The following RADIL variants were observed in gnomAD, a reference collection of about 807,000 sequenced individuals.
RADIL encodes the protein Rap associating with DIL domain, also known as ras-associating and dilute domain-containing protein.
Under a neutral mutation model 97.6 loss-of-function variants are expected in RADIL, and 99 were observed. That is an observed-to-expected ratio of 1.01 (90% CI 0.86 to 1.20). The LOEUF (loss-of-function observed/expected upper bound fraction) is 1.20. Among genes scored for constraint, RADIL ranks in the 50% most tolerant of loss-of-function variants. The pLI, the probability that RADIL is intolerant of heterozygous loss-of-function variation, is 0.00. For missense variants in RADIL, 1,765 were observed against 1,498.9 expected (o/e 1.18, Z -2.93); for synonymous variants, 803 against 691.8 (o/e 1.16, Z -2.52).
chr7:4,846,890 T>C (rs747077872), intron 2 of RADIL, among the ~76,000 whole-genome samples: 8 of 152,100 alleles, frequency 5.3e-5, no homozygotes, highest in Non-Finnish European at 1.2e-4. Context: ...TAAACATTTC[T>C]TCAAAGAATA....
chr7:4,843,199 G>C (rs1405358390), intron 2 of RADIL, among the ~76,000 whole-genome samples: 1 of 149,870 alleles, frequency 6.7e-6, no homozygotes, highest in East Asian at 2.0e-4. Context: ...ATTTTTAGTA[G>C]AGATGGGGTT....
rs910556902 is a variant in RADIL, at chr7:4,814,407, C to G, written c.2139+871G>C. On this transcript the variant is annotated intron_variant, in intron 9 of 14. Coordinates refer to ENST00000399583, the MANE Select transcript of RADIL (RefSeq NM_018059.5). The surrounding 1 kb of genome is among the most constrained non-coding windows in gnomAD (Gnocchi z 4.5). ...GATCTCGGCTCACTGCAACCTCTGC[C>G]TCGCGGGTTCAAGCGATTCGCCCTG... is the stretch of plus-strand genomic sequence containing the variant. Among the ~76,000 whole-genome samples, 1 of 152,120 alleles carries G rather than the reference C, an allele frequency of 6.6e-6. No individual in the cohort carries two copies. Among genetic ancestry groups the G allele is most frequent in the Admixed American group, 6.6e-5 (1 of 15,266 alleles).
Position 4,815,288 on chromosome 7 carries a change from T to G in RADIL, c.2129A>C (p.Gln710Pro), listed in dbSNP as rs775248407. 6.4e-7 allele frequency: 1 copy of G among 1,558,698 alleles called. No individual in the cohort carries two copies. The highest frequency in any genetic ancestry group is 1.2e-5 in the South Asian group (1 of 84,636). Residue 710 changes from glutamine to proline, a missense_variant, in exon 9 of 15, where the codon CAG becomes CCG. By Grantham distance (76) the Gln-to-Pro change is moderately conservative. Coordinates refer to ENST00000399583, the MANE Select transcript of RADIL (RefSeq NM_018059.5). The surrounding 1 kb of genome is among the most constrained non-coding windows in gnomAD (Gnocchi z 8.0). ...TLNLLATPRA[Q>P]LIQMSWTALR... ...CATGCGCACCCCTACCTGGATGAGCTGGGCCCTGGGTGTGGCCAGCAGGTT... is the reference window on the plus strand; with the variant it reads ...CATGCGCACCCCTACCTGGATGAGCGGGGCCCTGGGTGTGGCCAGCAGGTT...
chr7:4,845,373 G>A (rs1224009383), intron 2 of RADIL, among the ~76,000 whole-genome samples: 1 of 152,194 alleles, frequency 6.6e-6, no homozygotes, highest in East Asian at 1.9e-4. Context: ...AGCTATGATT[G>A]TGCCACTGGG....
At chr7:4,832,235 G>T (rs1409124917) in intron 4 of RADIL, 57 bp from the exon 5 acceptor site, 1 of 1,522,516 alleles carries the variant, frequency 6.6e-7, no homozygotes, top group Non-Finnish European at 8.9e-7. Context: ...ACACAGGGAC[G>T]CGTTCAAATA....
At chr7:4,816,728 G>C (rs1478491873) in intron 7 of RADIL, among the ~76,000 whole-genome samples, 1 of 152,168 alleles carries the variant, frequency 6.6e-6, no homozygotes, top group Non-Finnish European at 1.5e-5. Context: ...GATGAACTCA[G>C]AAGGCGCACA....
In RADIL at chr7:4,834,652, C is replaced by T; in HGVS notation, c.1371G>A (p.Gly457=). The change falls in exon 4 of 15, where the codon GGG becomes GGA. Residue 457 remains glycine, a synonymous_variant. Coordinates refer to ENST00000399583, the MANE Select transcript of RADIL (RefSeq NM_018059.5). This position sits in a 1 kb window ranked among gnomAD's most constrained non-coding sequence, Gnocchi z 6.0. ...GCCTGGCTATCTTGAGCAGGAGCTG[C>T]CCGAATGTGCCCGGCTGGAAGTGGG... ...SATHFQPGTF[G]QLLLKIARLI... is the part of the protein sequence containing the mutation. The T allele has an allele frequency of 7.4e-7, 1 of 1,360,098 alleles. No homozygotes were observed. Among genetic ancestry groups the T allele is most frequent in the Middle Eastern group, 2.0e-4 (1 of 5,006 alleles). 84.3% of individuals were successfully genotyped at this position (1,360,098 alleles called of 1,614,324 possible).
Position 4,878,189 on chromosome 7 carries a change from TG to T in RADIL, c.-51del. The T allele has an allele frequency of 6.8e-7, 1 of 1,468,516 alleles. No homozygotes were observed. 91.0% of individuals were successfully genotyped at this position (1,468,516 alleles called of 1,614,324 possible). On this transcript the variant is annotated 5_prime_UTR_variant, in exon 2 of 15. Coordinates refer to ENST00000399583, the MANE Select transcript of RADIL (RefSeq NM_018059.5). The surrounding 1 kb of genome is among the most constrained non-coding windows in gnomAD (Gnocchi z 4.1). Reference sequence around the variant, plus strand: ...GACTGTGGGCTTCAGCCAAAGGATGTGGGGAGGCCGTGACCTGGGTGAAAAA... The same window carrying T: ...GACTGTGGGCTTCAGCCAAAGGATGTGGGAGGCCGTGACCTGGGTGAAAAA...
intron 9 of RADIL, chr7:4,805,963 C>A (rs1295964504): frequency 1.0e-6 from 1 of 985,436 alleles, no homozygotes; most frequent in Non-Finnish European, 1.2e-6. Flanking sequence ...GGGAACCCAC[C>A]CCCGTCTCAA....
chr7:4,809,945 C>T (rs1000865572), intron 9 of RADIL, among the ~76,000 whole-genome samples: 1 of 150,570 alleles, frequency 6.6e-6, no homozygotes, highest in Admixed American at 6.6e-5. Flanking sequence ...CTCCATCTCC[C>T]GGGTTCCAGT....
rs919822309 is a variant in RADIL, at chr7:4,818,942, G to A, written c.1616-1591C>T. ...CTTTTATTTAATTTTTGGTAGAGAT[G>A]GGATCTCACTATGTTGCCCAGGCTG... On this transcript the variant is annotated intron_variant, in intron 6 of 14. Transcript: ENST00000399583. This position sits in a 1 kb window ranked among gnomAD's most constrained non-coding sequence, Gnocchi z 7.1. Among the ~76,000 whole-genome samples, 1 of 151,994 alleles carries A rather than the reference G, an allele frequency of 6.6e-6. No individual in the cohort carries two copies. Among genetic ancestry groups the A allele is most frequent in the Middle Eastern group, 3.2e-3 (1 of 314 alleles).
In RADIL at chr7:4,813,321, A is replaced by G. The variant is rs1329707394; in HGVS notation, c.2139+1957T>C. 6.6e-6 allele frequency among the ~76,000 whole-genome samples: 1 copy of G among 152,064 alleles called. No homozygotes were observed. The highest frequency in any genetic ancestry group is 1.5e-5 in the Non-Finnish European group (1 of 68,022). ...CTGGGGGCCTGGTGTTTACTTCCCA[A>G]GGGGTCCTGGACTCGTCATCTCTGT... is the stretch of plus-strand genomic sequence containing the variant. On this transcript the variant is annotated intron_variant, in intron 9 of 14. Coordinates refer to ENST00000399583, the MANE Select transcript of RADIL (RefSeq NM_018059.5). This position sits in a 1 kb window ranked among gnomAD's most constrained non-coding sequence, Gnocchi z 5.0.
intron 2 of RADIL, among the ~76,000 whole-genome samples, chr7:4,866,382 T>C (rs932881254): frequency 3.3e-5 from 5 of 152,168 alleles, no homozygotes; most frequent in Non-Finnish European, 5.9e-5. Flanking sequence ...GTTTTGTCTA[T>C]TGCAACATAT....
chr7:4,829,973 T>C (rs1416556683), intron 5 of RADIL, among the ~76,000 whole-genome samples: 1 of 152,170 alleles, frequency 6.6e-6, no homozygotes, highest in African/African-American at 2.4e-5. Flanking sequence ...GTACCACAGC[T>C]TGACTTAAGG....
rs147508873 is a variant in RADIL, at chr7:4,873,001, G to A, written c.535+4604C>T. Among the ~76,000 whole-genome samples, 338 of 152,222 alleles carry A rather than the reference G, an allele frequency of 2.2e-3. 2 individuals carry two copies. Among genetic ancestry groups the A allele is most frequent in the African/African-American group, 7.6e-3 (316 of 41,542 alleles). On this transcript the variant is annotated intron_variant, in intron 2 of 14. Transcript: ENST00000399583. This position sits in a 1 kb window ranked among gnomAD's most constrained non-coding sequence, Gnocchi z 4.3. ...CACCCAGGCTGGAGTGCAGTGGTGC[G>A]ATCTCAGCTCACTGCAACCTCCGCC...
At chr7:4,825,422 T>C (rs1201732600) in intron 5 of RADIL, among the ~76,000 whole-genome samples, 2 of 152,034 alleles carry the variant, frequency 1.3e-5, no homozygotes, top group Admixed American at 1.3e-4. Flanking sequence ...GCCTGTCGCG[T>C]CCATCAGGAG....
At chr7:4,799,555 C>G in intron 14 of RADIL, 72 bp from the exon 15 acceptor site, 1 of 1,611,564 alleles carries the variant, frequency 6.2e-7, no homozygotes, top group Non-Finnish European at 8.5e-7. Flanking sequence ...AGCCGGGCCT[C>G]TCCTTTACCC....
chr7:4,877,457 C>T, intron 2 of RADIL, 148 bp downstream of exon 2: 1 of 891,732 alleles, frequency 1.1e-6, no homozygotes, highest in Admixed American at 2.9e-5. Flanking sequence ...AGGAAGGCTT[C>T]AAACATCCAG....
intron 2 of RADIL, among the ~76,000 whole-genome samples, chr7:4,874,627 T>C (rs574176446): frequency 1.3e-5 from 2 of 152,286 alleles, no homozygotes; most frequent in African/African-American, 4.8e-5. Flanking sequence ...CCAGCCCAGA[T>C]GAGTGTGTCA....
Sources: gnomAD v4.1 joint callset for allele counts (sites outside exome capture counted in the v4.1 genomes callset) on GRCh38, gnomAD v4.1.1 for gene constraint, Gnocchi (gnomAD v3.1) non-coding constraint, MANE v1.5 for transcripts, NCBI Gene and HGNC (gene_info 2026-07-23, HGNC 2026-07-21) for gene names.